FRYL: variants seen among roughly 807,000 people sequenced by gnomAD.
The protein encoded by FRYL is FRY like transcription coactivator.
In FRYL, 150 loss-of-function variants were observed where a neutral mutation model predicts 351.2. That is an observed-to-expected ratio of 0.43 (90% confidence interval 0.37 to 0.49). FRYL has a LOEUF of 0.49. Among genes scored for constraint, FRYL ranks in the 20% least tolerant of loss-of-function variants. The probability of loss-of-function intolerance (pLI) is 0.00; values close to 1 mark genes in which losing one functional copy is unlikely to be tolerated. For synonymous variants in FRYL, 1,153 were observed against 1,257.1 expected (o/e 0.92, Z 1.75); for missense variants, 3,036 against 3,619.3 (o/e 0.84, Z 4.13).
intron 4 of FRYL, among the ~76,000 whole-genome samples, chr4:48,628,564 C>A (rs577778732): frequency 6.6e-6 from 1 of 151,432 alleles, no homozygotes; most frequent in South Asian, 2.1e-4. Flanking sequence ...TTAAAGAATA[C>A]AAAATTACGA....
chr4:48,570,982 G>T, intron 26 of FRYL, 64 bp from the exon 27 acceptor site: 2 of 1,286,840 alleles, frequency 1.6e-6, no homozygotes, highest in African/African-American at 1.5e-5. Flanking sequence ...AGAATAATGT[G>T]ACTGCCTCAG....
chr4:48,527,918 C>A, intron 52 of FRYL, 53 bp downstream of exon 52: 3 of 1,329,552 alleles, frequency 2.3e-6, no homozygotes, highest in South Asian at 2.9e-5. Context: ...ATCATTTCTT[C>A]AAGGAATAAC....
intron 2 of FRYL, 36 bp downstream of exon 2, chr4:48,710,483 G>C (rs1395964599): frequency 7.5e-6 from 3 of 398,444 alleles, no homozygotes; most frequent in East Asian, 3.6e-5. Flanking sequence ...AAAAAGGAAA[G>C]AAGGCCTAGA....
intron 33 of FRYL, among the ~76,000 whole-genome samples, chr4:48,558,446 G>C (rs1734625084): frequency 6.6e-6 from 1 of 152,208 alleles, no homozygotes; most frequent in Admixed American, 6.5e-5. Flanking sequence ...AGAGGGAAAA[G>C]CAGGATTGTT....
intron 1 of FRYL, among the ~76,000 whole-genome samples, chr4:48,757,157 A>G (rs185313227): frequency 6.6e-6 from 1 of 152,334 alleles, no homozygotes; most frequent in East Asian, 1.9e-4. Flanking sequence ...TAAAAGAAAC[A>G]GGCTGCTGCA....
intron 2 of FRYL, among the ~76,000 whole-genome samples, chr4:48,708,391 T>C (rs1315161507): frequency 6.6e-6 from 1 of 151,910 alleles, no homozygotes; most frequent in African/African-American, 2.4e-5. Context: ...TGCTTGAACC[T>C]GGGAGGTGGA....
intron 1 of FRYL, among the ~76,000 whole-genome samples, chr4:48,760,206 G>T (rs1774254680): frequency 6.6e-6 from 1 of 151,842 alleles, no homozygotes. Context: ...CTGTGGCCCA[G>T]GCTGGAGTGC....
In FRYL at chr4:48,549,144, T is replaced by C. The variant is rs535211105; in HGVS notation, c.4784+329A>G. ...ATTGCTCTATTGTGATTTTGCTAAG[T>C]AGAATTCAATTTAACTCGATGCAAA... On this transcript the variant is annotated intron_variant, in intron 39 of 63. Transcript: ENST00000358350. This position sits in a 1 kb window ranked among gnomAD's most constrained non-coding sequence, Gnocchi z 4.2. Among the ~76,000 whole-genome samples, 1 of 152,308 alleles carries C rather than the reference T, an allele frequency of 6.6e-6. No individual in the cohort carries two copies. Among genetic ancestry groups the C allele is most frequent in the Admixed American group, 6.5e-5 (1 of 15,306 alleles).
At chr4:48,578,215 A>G (rs1236111424) in intron 23 of FRYL, among the ~76,000 whole-genome samples, 2 of 152,144 alleles carry the variant, frequency 1.3e-5, no homozygotes, top group Non-Finnish European at 2.9e-5. Flanking sequence ...TATTGATAGA[A>G]AGTAAGAAAA....
At chr4:48,661,582 C>T (rs1760726698) in intron 3 of FRYL, among the ~76,000 whole-genome samples, 3 of 152,202 alleles carry the variant, frequency 2.0e-5, no homozygotes, top group Admixed American at 2.0e-4. Flanking sequence ...CAAAACAATC[C>T]TCTAAACCAA....
At chr4:48,680,045 A>C (rs954713375) in intron 3 of FRYL, among the ~76,000 whole-genome samples, 2 of 152,092 alleles carry the variant, frequency 1.3e-5, no homozygotes, top group Non-Finnish European at 2.9e-5. Flanking sequence ...TAAATGAAAA[A>C]GCAAGTATCA....
intron 1 of FRYL, among the ~76,000 whole-genome samples, chr4:48,712,945 A>T (rs1279214267): frequency 2.6e-5 from 4 of 152,188 alleles, no homozygotes; most frequent in Non-Finnish European, 5.9e-5. Context: ...AAAGAAAAGA[A>T]TTTTCAACCC....
intron 1 of FRYL, among the ~76,000 whole-genome samples, chr4:48,747,169 C>CT (rs1553880420): frequency 6.6e-6 from 1 of 150,808 alleles, no homozygotes. Context: ...CTATCCCCCC[C>CT]CAAAAAAAGA....
At chr4:48,695,344 A>C (rs911786415) in intron 2 of FRYL, among the ~76,000 whole-genome samples, 1 of 152,196 alleles carries the variant, frequency 6.6e-6, no homozygotes, top group Non-Finnish European at 1.5e-5. Flanking sequence ...GCTTCAACTG[A>C]TAATGTGCAA....
At chr4:48,733,461 TA>T (rs1469542664) in intron 1 of FRYL, among the ~76,000 whole-genome samples, 2 of 151,142 alleles carry the variant, frequency 1.3e-5, no homozygotes, top group African/African-American at 4.9e-5. Context: ...AAAATAAAAA[TA>T]AAAAAAGGAA....
intron 53 of FRYL, among the ~76,000 whole-genome samples, chr4:48,527,208 AT>A (rs1351699472): frequency 6.6e-6 from 1 of 152,198 alleles, no homozygotes; most frequent in African/African-American, 2.4e-5. Flanking sequence ...CATGCAAAAC[AT>A]TTAAGTCTAA....
chr4:48,508,221 A>C (rs1300518058), intron 59 of FRYL, among the ~76,000 whole-genome samples: 1 of 152,192 alleles, frequency 6.6e-6, no homozygotes, highest in African/African-American at 2.4e-5. Context: ...GTGTTCAAGA[A>C]GTTTGTAAGC....
intron 3 of FRYL, among the ~76,000 whole-genome samples, chr4:48,669,315 T>C (rs529389741): frequency 6.6e-6 from 1 of 152,120 alleles, no homozygotes; most frequent in African/African-American, 2.4e-5. Flanking sequence ...TGGAGCTGAG[T>C]TCTGGGAGCC....
rs140899570 is a variant in FRYL at position 48,536,852 on chromosome 4, G to A, written c.6394-1025C>T. 7.2e-4 allele frequency among the ~76,000 whole-genome samples: 110 copies of A among 152,266 alleles called. 2 individuals are homozygous for A. The East Asian group carries it at 0.014, about 20-fold the overall frequency. On this transcript the variant is annotated intron_variant, in intron 47 of 63. Coordinates refer to ENST00000358350, the MANE Select transcript of FRYL (RefSeq NM_015030.2). ...TATCACTAATTTTGGTAATTCGGAA[G>A]ATGTTTAATAGGCTTGGAGGGCCTC...
Sources: allele counts gnomAD v4.1 joint callset (sites outside exome capture counted in the v4.1 genomes callset), GRCh38; gene constraint gnomAD v4.1.1; non-coding constraint Gnocchi (gnomAD v3.1); transcripts MANE v1.5; gene names NCBI Gene and HGNC (gene_info 2026-07-23, HGNC 2026-07-21).